The following PDE4D variants were observed in gnomAD, a reference collection of about 807,000 sequenced individuals.
PDE4D encodes 3',5'-cyclic-AMP phosphodiesterase 4D.
In PDE4D, 24 loss-of-function variants were observed where a neutral mutation model predicts 87.4. The observed-to-expected ratio is 0.27, with a 90% CI of 0.20 to 0.39. The LOEUF (loss-of-function observed/expected upper bound fraction) is 0.39. PDE4D is among the 10% of genes least tolerant of loss of function. PDE4D has a pLI of 1.00. For synonymous variants in PDE4D, 384 were observed against 383.2 expected, an observed-to-expected ratio of 1.00 and a Z score of -0.02; for missense variants, 714 against 1,041.0, an observed-to-expected ratio of 0.69 and a Z score of 4.32.
intron 1 of PDE4D, chr5:59,768,373 G>C (rs751371557): frequency 6.3e-7 from 1 of 1,598,362 alleles, no homozygotes; most frequent in South Asian, 1.1e-5. Flanking sequence ...CGATTTCCTC[G>C]CTGTCTTGGA....
chr5:59,903,247 G>A (rs1208858907), intron 3 of PDE4D, among the ~76,000 whole-genome samples: 1 of 152,074 alleles, frequency 6.6e-6, no homozygotes, highest in Non-Finnish European at 1.5e-5. Flanking sequence ...GCAGGAATTA[G>A]TAATAACTAA....
intron 1 of PDE4D, among the ~76,000 whole-genome samples, chr5:59,462,888 G>C (rs1382059575): frequency 6.7e-6 from 1 of 150,178 alleles, no homozygotes; most frequent in Non-Finnish European, 1.5e-5. Flanking sequence ...ATAATAACTT[G>C]TAAAAAGTTA....
chr5:60,201,893 T>C (rs1217658457), intron 1 of PDE4D, among the ~76,000 whole-genome samples: 1 of 152,144 alleles, frequency 6.6e-6, no homozygotes, highest in Non-Finnish European at 1.5e-5. Flanking sequence ...TTGACAGAGT[T>C]AACATTTTTT....
At chr5:60,206,408 T>C (rs1281150436) in intron 1 of PDE4D, among the ~76,000 whole-genome samples, 2 of 152,228 alleles carry the variant, frequency 1.3e-5, no homozygotes, top group African/African-American at 4.8e-5. Context: ...GATGAATTAT[T>C]TGGCCTTGCA....
chr5:60,178,732 T>C (rs1328531766), intron 2 of PDE4D, among the ~76,000 whole-genome samples: 1 of 152,160 alleles, frequency 6.6e-6, no homozygotes, highest in Non-Finnish European at 1.5e-5. Flanking sequence ...TAGAAAGGAT[T>C]GTTTAGGTTG....
At chr5:59,635,965 T>G (rs1373935449) in intron 1 of PDE4D, among the ~76,000 whole-genome samples, 2 of 152,224 alleles carry the variant, frequency 1.3e-5, no homozygotes, top group African/African-American at 2.4e-5. Context: ...GCGGATGACA[T>G]GACTGTATAT....
chr5:60,146,288 T>C (rs1056347013), intron 2 of PDE4D, among the ~76,000 whole-genome samples: 6 of 152,216 alleles, frequency 3.9e-5, no homozygotes, highest in Non-Finnish European at 5.9e-5. Context: ...CACCTGGTAG[T>C]AGATGTTCTA....
At chr5:59,709,373 G>T (rs1164857969) in intron 1 of PDE4D, among the ~76,000 whole-genome samples, 2 of 152,110 alleles carry the variant, frequency 1.3e-5, no homozygotes, top group Non-Finnish European at 2.9e-5. Flanking sequence ...ACTGATTCCT[G>T]GGTGGTTTCA....
At chr5:59,239,664 T>C (rs1757244765) in intron 1 of PDE4D, among the ~76,000 whole-genome samples, 1 of 152,182 alleles carries the variant, frequency 6.6e-6, no homozygotes, top group South Asian at 2.1e-4. Context: ...TAGGATCCAA[T>C]GGCCCCTTAG....
intron 1 of PDE4D, among the ~76,000 whole-genome samples, chr5:59,428,906 T>C (rs1441018296): frequency 1.3e-5 from 2 of 152,322 alleles, no homozygotes; most frequent in South Asian, 4.1e-4. Flanking sequence ...ATCTGGTATT[T>C]TTACAAATCC....
intron 5 of PDE4D, among the ~76,000 whole-genome samples, chr5:59,093,144 G>A (rs778886169): frequency 1.3e-5 from 2 of 151,208 alleles, no homozygotes; most frequent in Admixed American, 6.6e-5. Context: ...AAATGGTTAC[G>A]GAGAGTAAAT....
At chr5:59,928,393 C>T (rs934997728) in intron 3 of PDE4D, among the ~76,000 whole-genome samples, 11 of 152,038 alleles carry the variant, frequency 7.2e-5, no homozygotes, top group South Asian at 2.1e-4. Context: ...GCCTGGCCAA[C>T]ATCCTGAGAC....
intron 5 of PDE4D, among the ~76,000 whole-genome samples, chr5:59,106,897 T>C (rs1004479213): frequency 2.0e-5 from 3 of 152,254 alleles, no homozygotes; most frequent in Non-Finnish European, 2.9e-5. Context: ...TAAAGGGCAA[T>C]TGTTGTTTTA....
At chr5:60,088,393 G>A (rs1774761233) in intron 2 of PDE4D, among the ~76,000 whole-genome samples, 1 of 151,666 alleles carries the variant, frequency 6.6e-6, no homozygotes, top group Non-Finnish European at 1.5e-5. Context: ...CTATAATTAG[G>A]GTAAGTAAAC....
intron 5 of PDE4D, among the ~76,000 whole-genome samples, chr5:59,119,594 G>A (rs964546709): frequency 5.3e-5 from 8 of 152,156 alleles, no homozygotes; most frequent in African/African-American, 7.2e-5. Flanking sequence ...GGAAATAATG[G>A]AAGACTATCA....
In PDE4D at chr5:59,786,606, C is replaced by T. The variant is rs1002255435; in HGVS notation, c.455+106562G>A. Among the ~76,000 whole-genome samples, 10 of 152,230 alleles carry T rather than the reference C, an allele frequency of 6.6e-5. No individual in the cohort carries two copies. In the East Asian group the frequency reaches 7.7e-4, roughly 12 times the overall value. Reference sequence around the variant, plus strand: ...TAACCTTTTTAACAGGGACTTTAGGCGAGGATAGTACTTTGGGCACAAAAA... The same window carrying T: ...TAACCTTTTTAACAGGGACTTTAGGTGAGGATAGTACTTTGGGCACAAAAA... On this transcript the variant is annotated intron_variant, in intron 1 of 14. Transcript: ENST00000340635.
At chr5:59,563,718 G>A (rs1265567629) in intron 1 of PDE4D, among the ~76,000 whole-genome samples, 4 of 152,188 alleles carry the variant, frequency 2.6e-5, no homozygotes, top group Non-Finnish European at 4.4e-5. Context: ...ATAAACCTAA[G>A]AAGTCTGTCT....
At chr5:59,237,148 T>C (rs1350176785) in intron 1 of PDE4D, among the ~76,000 whole-genome samples, 1 of 152,168 alleles carries the variant, frequency 6.6e-6, no homozygotes, top group Non-Finnish European at 1.5e-5. Context: ...TAGTAAGAAA[T>C]GTGTAATATG....
intron 1 of PDE4D, among the ~76,000 whole-genome samples, chr5:60,311,054 G>A (rs946361795): frequency 7.6e-6 from 1 of 132,372 alleles, no homozygotes; most frequent in Non-Finnish European, 1.6e-5. Flanking sequence ...TTTTGCTCTT[G>A]TTGCCCAGGC....
Sources: allele counts gnomAD v4.1 joint callset (sites outside exome capture counted in the v4.1 genomes callset), GRCh38; gene constraint gnomAD v4.1.1; transcripts MANE v1.5; gene names NCBI Gene and HGNC (gene_info 2026-07-23, HGNC 2026-07-21).